Variants in ARNT2 observed in about 807,000 individuals in gnomAD.
The protein encoded by ARNT2 is aryl hydrocarbon receptor nuclear translocator 2.
A neutral mutation model predicts 91.7 loss-of-function variants in ARNT2; 36 were observed. The ratio of observed to expected loss-of-function variants is 0.39; its 90% CI spans 0.30 to 0.52. ARNT2 has a LOEUF of 0.52. Among genes scored for constraint, ARNT2 ranks in the 20% least tolerant of loss-of-function variants. The pLI, the probability that ARNT2 is intolerant of heterozygous loss-of-function variation, is 0.72. For synonymous variants in ARNT2, 365 were observed against 347.1 expected (o/e 1.05, Z -0.57); for missense variants, 775 against 939.3 (o/e 0.83, Z 2.29).
At chr15:80,564,583 A>G (rs1410123786) in intron 12 of ARNT2, among the ~76,000 whole-genome samples, 1 of 152,046 alleles carries the variant, frequency 6.6e-6, no homozygotes, top group Non-Finnish European at 1.5e-5. Context: ...TTACATGGAT[A>G]TATTGCATGA....
rs1896712386 is a variant in ARNT2 at position 80,470,146 on chromosome 15, C to T, written c.195-72C>T. ...GTCATTTGGTGTTAATGGTTTTATC[C>T]CATTAGATAGTAATCCCTAATCTGA... On this transcript the variant is annotated intron_variant, in intron 3 of 18. Coordinates refer to ENST00000303329, the MANE Select transcript of ARNT2 (RefSeq NM_014862.4). 3 of 1,422,688 alleles carry T rather than the reference C, an allele frequency of 2.1e-6. No individual in the cohort carries two copies. The Admixed American group carries it at 5.9e-5, about 28-fold the overall frequency. 88.1% of individuals were successfully genotyped at this position (1,422,688 alleles called of 1,614,324 possible). A position where few individuals can be genotyped will look rare whatever the true frequency, so the allele number is the denominator to read the frequency against.
In ARNT2 at chr15:80,406,614, G is replaced by T. The variant is rs184649823; in HGVS notation, c.31+2068G>T. 2.6e-5 allele frequency among the ~76,000 whole-genome samples: 4 copies of T among 152,288 alleles called. No individual in the cohort carries two copies. The East Asian group carries it at 7.7e-4, about 29-fold the overall frequency. ...CTAAAGATCTAAAGATGGAGTAACTGCCCCTGGCCCCGTGGTGTGAAGCAC... is the reference window on the plus strand; with the variant it reads ...CTAAAGATCTAAAGATGGAGTAACTTCCCCTGGCCCCGTGGTGTGAAGCAC... On this transcript the variant is annotated intron_variant, in intron 1 of 18. Coordinates refer to ENST00000303329, the MANE Select transcript of ARNT2 (RefSeq NM_014862.4).
Position 80,450,962 on chromosome 15 carries a change from C to T in ARNT2, c.114C>T (p.Ala38=). ...CCGGACAGGTGAGGATGGCGGGGGC[C>T]ATGCCTGCCCGTGGAGGAAAGCGGC... The part of the protein sequence containing the change: ...AATGQVRMAG[A]MPARGGKRRS... The change falls in exon 2 of 19, where the codon GCC becomes GCT. Residue 38 remains alanine (A), a synonymous_variant. Transcript: ENST00000303329. 1 of 1,614,094 alleles carries T rather than the reference C, an allele frequency of 6.2e-7. No individual in the cohort carries two copies. The highest frequency in any genetic ancestry group is 8.5e-7 in the Non-Finnish European group (1 of 1,180,016).
intron 8 of ARNT2, among the ~76,000 whole-genome samples, chr15:80,550,359 C>T (rs920483839): frequency 6.6e-6 from 1 of 152,092 alleles, no homozygotes; most frequent in Non-Finnish European, 1.5e-5. Flanking sequence ...TGTCACTGTA[C>T]TTGTGTGACT....
chr15:80,588,632 C>A (rs182123315), intron 17 of ARNT2, among the ~76,000 whole-genome samples: 2 of 152,118 alleles, frequency 1.3e-5, no homozygotes, highest in African/African-American at 4.8e-5. Context: ...TGTAGATGCC[C>A]GGATGAACCA....
chr15:80,411,665 G>A (rs371268505), intron 1 of ARNT2, among the ~76,000 whole-genome samples: 14 of 152,280 alleles, frequency 9.2e-5, no homozygotes, highest in African/African-American at 2.9e-4. Flanking sequence ...TTGAACAGTC[G>A]AATGTATTTA....
chr15:80,539,748 A>C (rs981428495), intron 8 of ARNT2, among the ~76,000 whole-genome samples: 1 of 152,082 alleles, frequency 6.6e-6, no homozygotes, highest in Non-Finnish European at 1.5e-5. Flanking sequence ...CAAAAAATGT[A>C]TGAACAAAAT....
intron 8 of ARNT2, among the ~76,000 whole-genome samples, chr15:80,518,274 A>ATT (rs1897475018): frequency 1.2e-5 from 1 of 83,114 alleles, no homozygotes; most frequent in African/African-American, 4.6e-5. Flanking sequence ...TTCTTTTTCT[A>ATT]TTCTTTTTTT....
chr15:80,441,486 C>G, intron 1 of ARNT2: 1 of 750,468 alleles, frequency 1.3e-6, no homozygotes, highest in Non-Finnish European at 1.6e-6. Context: ...TCACCCCCCT[C>G]CCAGCCATGG....
At chr15:80,551,724 T>C (rs1812086040) in intron 9 of ARNT2, among the ~76,000 whole-genome samples, 1 of 152,212 alleles carries the variant, frequency 6.6e-6, no homozygotes. Flanking sequence ...TTCTTCTGCC[T>C]GGTATTTCCT....
In ARNT2 at chr15:80,559,016, A is replaced by C. The variant is rs148045109; in HGVS notation, c.1164+3877A>C. 4.0e-3 allele frequency among the ~76,000 whole-genome samples: 600 copies of C among 151,832 alleles called. 5 individuals are homozygous for C. The highest frequency in any genetic ancestry group is 0.014 in the African/African-American group (584 of 41,422). On this transcript the variant is annotated intron_variant, in intron 11 of 18. Coordinates refer to ENST00000303329, the MANE Select transcript of ARNT2 (RefSeq NM_014862.4). ...CTACACAGTAAGTGTTGTCTTCCCC[A>C]TTTTTTTCACAGTAGACACTGGGAG...
intron 1 of ARNT2, among the ~76,000 whole-genome samples, chr15:80,450,153 A>G (rs1210225717): frequency 6.6e-6 from 1 of 152,260 alleles, no homozygotes; most frequent in Non-Finnish European, 1.5e-5. Context: ...TATCTGGCTT[A>G]TAAGAAATAA....
In ARNT2 at chr15:80,592,581, C is replaced by A. The variant is rs574816542; in HGVS notation, c.2055+877C>A. On this transcript the variant is annotated intron_variant, in intron 18 of 18. Transcript: ENST00000303329. Reference sequence around the variant, plus strand: ...CCATATACCCCACCCTCATCCCAAGCCCCTCTCCTGCCGGGGTCAGCTGTG... The same window carrying A: ...CCATATACCCCACCCTCATCCCAAGACCCTCTCCTGCCGGGGTCAGCTGTG... Among the ~76,000 whole-genome samples, 108 of 152,356 alleles carry A rather than the reference C, an allele frequency of 7.1e-4. 1 individual carries two copies. The South Asian group carries it at 0.021, about 30-fold the overall frequency.
intron 1 of ARNT2, among the ~76,000 whole-genome samples, chr15:80,437,922 TACACAC>T (rs58142108): frequency 1.6e-3 from 225 of 141,650 alleles, no homozygotes; most frequent in Middle Eastern, 3.6e-3. Context: ...TGTATTTACC[TACACAC>T]ACACACACAC....
At chr15:80,452,253 T>C (rs1218055129) in intron 2 of ARNT2, among the ~76,000 whole-genome samples, 1 of 152,216 alleles carries the variant, frequency 6.6e-6, no homozygotes, top group African/African-American at 2.4e-5. Context: ...TATGCCAGCT[T>C]TCCCTGTATT....
At chr15:80,473,409 G>A (rs1896760573) in intron 4 of ARNT2, among the ~76,000 whole-genome samples, 1 of 152,150 alleles carries the variant, frequency 6.6e-6, no homozygotes, top group Admixed American at 6.5e-5. Flanking sequence ...GGACAAAAAT[G>A]TGAATTCATG....
At chr15:80,512,951 C>G (rs2141427389) in intron 6 of ARNT2, among the ~76,000 whole-genome samples, 1 of 152,302 alleles carries the variant, frequency 6.6e-6, no homozygotes, top group South Asian at 2.1e-4. Context: ...CAGTAAAGCA[C>G]TGGGCACAGT....
intron 5 of ARNT2, among the ~76,000 whole-genome samples, chr15:80,505,015 A>G (rs1211633204): frequency 1.1e-4 from 16 of 152,156 alleles, no homozygotes. Flanking sequence ...CCTGACAACT[A>G]AGAGTGGAGA....
At chr15:80,492,595 C>A (rs906280087) in intron 5 of ARNT2, among the ~76,000 whole-genome samples, 5 of 152,302 alleles carry the variant, frequency 3.3e-5, no homozygotes, top group African/African-American at 1.2e-4. Context: ...CAGCTCAGTT[C>A]TCAAATTCCT....
Sources: allele counts gnomAD v4.1 joint callset (sites outside exome capture counted in the v4.1 genomes callset), GRCh38; gene constraint gnomAD v4.1.1; transcripts MANE v1.5; gene names NCBI Gene and HGNC (gene_info 2026-07-23, HGNC 2026-07-21).